RAPGEF6: variants seen among roughly 807,000 people sequenced by gnomAD.
RAPGEF6 encodes the protein Rap guanine nucleotide exchange factor 6.
A neutral mutation model predicts 171.4 loss-of-function variants in RAPGEF6; 56 were observed. The observed-to-expected ratio is 0.33, with a 90% CI of 0.26 to 0.41. The LOEUF is 0.41. Ranked by LOEUF, RAPGEF6 falls within the 10% of genes least tolerant of loss-of-function variation. The probability of loss-of-function intolerance (pLI) is 1.00; values close to 1 mark genes in which losing one functional copy is unlikely to be tolerated. For synonymous variants in RAPGEF6, 692 were observed against 650.1 expected (o/e 1.06, Z -0.98); for missense variants, 1,674 against 1,921.4 (o/e 0.87, Z 2.41).
At chr5:131,503,546 A>C (rs1030777134) in intron 11 of RAPGEF6, among the ~76,000 whole-genome samples, 4 of 152,240 alleles carry the variant, frequency 2.6e-5, no homozygotes, top group African/African-American at 9.6e-5. Flanking sequence ...GGGAAGAAGA[A>C]GTATGACATC....
chr5:131,508,665 TCTAA>T lies in RAPGEF6; in HGVS notation c.806-462_806-459del, dbSNP rs574049901. 3.4e-3 allele frequency among the ~76,000 whole-genome samples: 513 copies of T among 152,328 alleles called. 3 individuals are homozygous for T. Among genetic ancestry groups the T allele is most frequent in the African/African-American group, 0.011 (462 of 41,578 alleles). ...AATGTGAATTCTAGCTCAAGATTTG[TCTAA>T]CTAACTAGGTAACTCTCTTTAACTA... On this transcript the variant is annotated intron_variant, in intron 8 of 27. Coordinates refer to ENST00000509018, the MANE Select transcript of RAPGEF6 (RefSeq NM_016340.6).
intron 4 of RAPGEF6, among the ~76,000 whole-genome samples, chr5:131,564,071 A>G (rs1418102161): frequency 6.6e-6 from 1 of 152,204 alleles, no homozygotes; most frequent in African/African-American, 2.4e-5. Context: ...GACTCTTGCA[A>G]TACACCATTT....
At chr5:131,594,342 G>T (rs534980658) in intron 3 of RAPGEF6, among the ~76,000 whole-genome samples, 2 of 152,270 alleles carry the variant, frequency 1.3e-5, no homozygotes, top group African/African-American at 4.8e-5. Flanking sequence ...ACATGGTGTT[G>T]GGCCTGCGGG....
In RAPGEF6 at chr5:131,492,819, GTATC is replaced by G. The variant is rs1316095296; in HGVS notation, c.1528-38_1528-35del. On this transcript the variant is annotated intron_variant, in intron 13 of 27. Coordinates refer to ENST00000509018, the MANE Select transcript of RAPGEF6 (RefSeq NM_016340.6). Reference sequence around the variant, plus strand: ...CAGAAAAGGATAAATGTATATAAATGTATCTATTCCTATAGGTTTTTAAAAAGTC... The same window carrying G: ...CAGAAAAGGATAAATGTATATAAATGTATTCCTATAGGTTTTTAAAAAGTC... 4 of 1,557,576 alleles carry G rather than the reference GTATC, an allele frequency of 2.6e-6. No homozygotes were observed. In the African/African-American group the frequency reaches 4.1e-5, roughly 16 times the overall value.
intron 20 of RAPGEF6, 32 bp from the exon 21 acceptor site, chr5:131,453,209 A>G: frequency 6.4e-7 from 1 of 1,564,344 alleles, no homozygotes; most frequent in Non-Finnish European, 8.7e-7. Context: ...TTAAGTTCAA[A>G]ATTAAATTAT....
At chr5:131,554,870 C>A (rs1761133193) in intron 5 of RAPGEF6, among the ~76,000 whole-genome samples, 1 of 151,208 alleles carries the variant, frequency 6.6e-6, no homozygotes, top group Non-Finnish European at 1.5e-5. Context: ...AGACCAAACA[C>A]CATTTCTACA....
At chr5:131,474,333 G>A (rs1024675904) in intron 16 of RAPGEF6, among the ~76,000 whole-genome samples, 2 of 152,120 alleles carry the variant, frequency 1.3e-5, no homozygotes, top group African/African-American at 4.8e-5. Flanking sequence ...AAGTCGGGTG[G>A]CTCGTGCCTG....
chr5:131,434,489 T>C lies in RAPGEF6; in HGVS notation c.3746-831A>G, dbSNP rs536601888. On this transcript the variant is annotated intron_variant, in intron 24 of 27. Transcript: ENST00000509018. The stretch of plus-strand genomic sequence containing the variant: ...CCTGGCCTCAAGCGATCCTCCCGCC[T>C]CAGCCTACCAAATTGCTGGGATTAC... Among the ~76,000 whole-genome samples, 45 of 152,334 alleles carry C rather than the reference T, an allele frequency of 3.0e-4. No homozygotes were observed. In the South Asian group the frequency reaches 9.3e-3, roughly 32 times the overall value.
Position 131,427,252 on chromosome 5 carries a change from A to C in RAPGEF6, c.*14T>G. ...CCACGACTTTCAGTGGTTTTCAAAT[A>C]GGTCATCCAAAGGCTAGACTGCTGA... On this transcript the variant is annotated 3_prime_UTR_variant, in exon 28 of 28. Transcript: ENST00000509018. 1 of 1,607,326 alleles carries C rather than the reference A, an allele frequency of 6.2e-7. No individual in the cohort carries two copies. The highest frequency in any genetic ancestry group is 8.5e-7 in the Non-Finnish European group (1 of 1,173,870).
chr5:131,455,419 C>T (rs1480593813), intron 20 of RAPGEF6, among the ~76,000 whole-genome samples: 26 of 152,164 alleles, frequency 1.7e-4, no homozygotes, highest in African/African-American at 6.0e-4. Context: ...CCACCACCCC[C>T]GGCTAATCTT....
intron 8 of RAPGEF6, 136 bp from the exon 9 acceptor site, chr5:131,508,343 C>T: frequency 7.0e-6 from 6 of 856,232 alleles, no homozygotes; most frequent in Non-Finnish European, 1.0e-5. Flanking sequence ...AACTAAGGTA[C>T]TATTTGACCG....
At chr5:131,598,026 C>A (rs554340998) in intron 3 of RAPGEF6, among the ~76,000 whole-genome samples, 63 of 152,098 alleles carry the variant, frequency 4.1e-4, no homozygotes, top group Admixed American at 9.8e-4. Context: ...AAAGTATCAA[C>A]ATTGCTGGAA....
intron 6 of RAPGEF6, among the ~76,000 whole-genome samples, chr5:131,525,617 C>T (rs954189687): frequency 6.6e-6 from 1 of 151,452 alleles, no homozygotes; most frequent in East Asian, 1.9e-4. Flanking sequence ...GGGTATGATA[C>T]AGTTCAAAGA....
intron 1 of RAPGEF6, among the ~76,000 whole-genome samples, chr5:131,609,975 C>A (rs1764841934): frequency 6.6e-6 from 1 of 152,216 alleles, no homozygotes; most frequent in African/African-American, 2.4e-5. Flanking sequence ...AGTCATATCA[C>A]ATACCACACA....
intron 1 of RAPGEF6, among the ~76,000 whole-genome samples, chr5:131,605,249 A>G (rs948291264): frequency 3.3e-5 from 5 of 152,236 alleles, no homozygotes; most frequent in African/African-American, 7.2e-5. Flanking sequence ...CATTAAAACA[A>G]CAACAACAAC....
Position 131,427,273 on chromosome 5 carries a change from G to A in RAPGEF6, c.4799C>T (p.Ala1600Val), listed in dbSNP as rs372714324. The A allele has an allele frequency of 1.2e-6, 2 of 1,609,448 alleles. No homozygotes were observed. The highest frequency in any genetic ancestry group is 1.7e-6 in the Non-Finnish European group (2 of 1,176,032). ...AAATAGGTCATCCAAAGGCTAGACT[G>A]CTGAAACTTGTTCATTTTCTGAAAA... ...SEADENEQVSAV is the reference protein window; with the variant it reads ...SEADENEQVSVV Residue 1600 changes from alanine to valine, a missense_variant, in exon 28 of 28, where the codon GCA (alanine) becomes GTA (valine). Ala to Val is a moderately conservative substitution (Grantham distance 64, BLOSUM62 0). This residue lies in a region of RAPGEF6 where 552 missense variants were observed against 574.2 expected (regional missense o/e 0.96). Coordinates refer to ENST00000509018, the MANE Select transcript of RAPGEF6 (RefSeq NM_016340.6).
At chr5:131,491,197 G>A (rs1225760493) in intron 14 of RAPGEF6, among the ~76,000 whole-genome samples, 1 of 152,134 alleles carries the variant, frequency 6.6e-6, no homozygotes, top group Non-Finnish European at 1.5e-5. Context: ...CTCTATTGTG[G>A]AAGCTGTCCT....
intron 5 of RAPGEF6, among the ~76,000 whole-genome samples, chr5:131,560,591 A>G (rs1221253269): frequency 6.6e-6 from 1 of 152,276 alleles, no homozygotes; most frequent in African/African-American, 2.4e-5. Context: ...TTAAAAAGAA[A>G]GAATTCTGAG....
At chr5:131,504,054 G>A (rs766840937) in intron 11 of RAPGEF6, among the ~76,000 whole-genome samples, 20 of 152,034 alleles carry the variant, frequency 1.3e-4, no homozygotes, top group Non-Finnish European at 2.2e-4. Context: ...CGCTCTCAGT[G>A]GCATACAATA....
Sources: gnomAD v4.1 joint callset for allele counts (sites outside exome capture counted in the v4.1 genomes callset) on GRCh38, gnomAD v4.1.1 for gene constraint, gnomAD v4.1.1 regional missense constraint, MANE v1.5 for transcripts, NCBI Gene and HGNC (gene_info 2026-07-23, HGNC 2026-07-21) for gene names.